OR2M3: variants seen among roughly 807,000 people sequenced by gnomAD.
OR2M3 encodes the protein olfactory receptor family 2 subfamily M member 3, also known as olfactory receptor 2M3.
Under a neutral mutation model 4.3 loss-of-function variants are expected in OR2M3, and 1 was observed. The ratio of observed to expected loss-of-function variants is 0.23; its 90% CI spans 0.08 to 1.11. The LOEUF (loss-of-function observed/expected upper bound fraction) is 1.11, where lower values mean the gene tolerates loss of function less well. Among genes scored for constraint, OR2M3 ranks in the 50% most tolerant of loss-of-function variants. OR2M3 has a pLI of 0.54. For missense variants in OR2M3, 410 were observed against 390.4 expected (o/e 1.05, Z -0.42); for synonymous variants, 151 against 139.4 (o/e 1.08, Z -0.59).
At position 248,203,399 on chromosome 1, in the gene OR2M3, A is replaced by C; in HGVS notation, c.332A>C (p.Glu111Ala). Residue 111 changes from glutamate (E) to alanine (A), a missense_variant, in exon 2 of 2, where the codon GAG becomes GCG. By Grantham distance (107) the Glu-to-Ala change is moderately radical (BLOSUM62 -1). Coordinates refer to ENST00000641626, the MANE Select transcript of OR2M3 (RefSeq NM_001004689.2). ...IFFYTSLLGS[E>A]CFLLAVMAYD... ...TTCTATACATCACTGCTTGGCTCTG[A>C]GTGCTTTCTTTTGGCTGTTATGGCT... 6.2e-7 allele frequency: 1 copy of C among 1,613,938 alleles called. No individual in the cohort carries two copies. The highest frequency in any genetic ancestry group is 2.2e-5 in the East Asian group (1 of 44,848).
rs1666196892 is a variant in OR2M3 at position 248,203,988 on chromosome 1, G to C, written c.921G>C (p.Lys307Asn). The C allele has an allele frequency of 6.2e-7, 1 of 1,613,694 alleles. No individual in the cohort carries two copies. The highest frequency in any genetic ancestry group is 1.7e-5 in the Admixed American group (1 of 59,944). ...GAGCATTCATGAAGATCTTAGGAAA[G>C]GGCAAGTCTGGAGAGTGAGTTACCT... is the stretch of plus-strand genomic sequence containing the variant. ...VTRAFMKILG[K>N]GKSGE Residue 307 changes from lysine to asparagine, a missense_variant, in exon 2 of 2, where the codon AAG (lysine) becomes AAC (asparagine). Lys to Asn is a moderately conservative substitution (Grantham distance 94). Coordinates refer to ENST00000641626, the MANE Select transcript of OR2M3 (RefSeq NM_001004689.2).
rs1451024370 is a variant in OR2M3, at chr1:248,208,955, C to T, written c.*4949C>T. The stretch of plus-strand genomic sequence containing the variant: ...TTAGATTTCTCTTCTTCCTCAAGAA[C>T]ACCAATTATTCTTAGGTCCGGACAT... On this transcript the variant is annotated 3_prime_UTR_variant, in exon 2 of 2. Coordinates refer to ENST00000641626, the MANE Select transcript of OR2M3 (RefSeq NM_001004689.2). 1 of 152,170 alleles carries T rather than the reference C, an allele frequency of 6.6e-6. No homozygotes were observed. The highest frequency in any genetic ancestry group is 2.4e-5 in the African/African-American group (1 of 41,446). The allele number at this position is 152,170 out of a possible 1,614,324, so 9.4% of individuals were successfully genotyped here.
rs1385631635 is a variant in OR2M3 at position 248,205,504 on chromosome 1, A to G, written c.*1498A>G. 1 of 151,988 alleles carries G rather than the reference A, an allele frequency of 6.6e-6. No homozygotes were observed. Among genetic ancestry groups the G allele is most frequent in the African/African-American group, 2.4e-5 (1 of 41,386 alleles). The allele number at this position is 151,988 out of a possible 1,614,324, so 9.4% of individuals were successfully genotyped here. A position where few individuals can be genotyped will look rare whatever the true frequency, so the allele number is the denominator to read the frequency against. On this transcript the variant is annotated 3_prime_UTR_variant, in exon 2 of 2. Coordinates refer to ENST00000641626, the MANE Select transcript of OR2M3 (RefSeq NM_001004689.2). ...GATGAGGATCCAGTTTCATTCTTCT[A>G]CATGTGGCCTGTCAGTTAGCCCAGC...
Position 248,204,040 on chromosome 1 carries a change from T to A in OR2M3, c.*34T>A, listed in dbSNP as rs1213576532. On this transcript the variant is annotated 3_prime_UTR_variant, in exon 2 of 2. Coordinates refer to ENST00000641626, the MANE Select transcript of OR2M3 (RefSeq NM_001004689.2). ...ATAAACTTCATGTTTTGCTGTGTGCTAAATCCTTTTTTTAAATGGTCCTAT... is the reference window on the plus strand; with the variant it reads ...ATAAACTTCATGTTTTGCTGTGTGCAAAATCCTTTTTTTAAATGGTCCTAT... The A allele has an allele frequency of 2.5e-6, 4 of 1,606,016 alleles. No homozygotes were observed. Among genetic ancestry groups the A allele is most frequent in the African/African-American group, 2.7e-5 (2 of 74,598 alleles).
intron 1 of OR2M3, among the ~76,000 whole-genome samples, chr1:248,198,842 A>G (rs1206990790): frequency 6.6e-6 from 1 of 152,108 alleles, no homozygotes; most frequent in Non-Finnish European, 1.5e-5. Context: ...CTGTGTTACT[A>G]TTGCTCTGGG....
chr1:248,207,372 C>A lies in OR2M3; in HGVS notation c.*3366C>A, dbSNP rs1044321495. On this transcript the variant is annotated 3_prime_UTR_variant, in exon 2 of 2. Coordinates refer to ENST00000641626, the MANE Select transcript of OR2M3 (RefSeq NM_001004689.2). ...GTTTGGGTTTGGATTGTTCTTGTTT[C>A]TCCTGTTCTGTGAGGTGCGACCTAA... 9 of 151,640 alleles carry A rather than the reference C, an allele frequency of 5.9e-5. No individual in the cohort carries two copies. The highest frequency in any genetic ancestry group is 2.2e-4 in the African/African-American group (9 of 41,286). The allele number at this position is 151,640 out of a possible 1,614,324, so 9.4% of individuals were successfully genotyped here.
Position 248,210,972 on chromosome 1 carries a change from C to T in OR2M3, c.*6966C>T, listed in dbSNP as rs1299177884. 2 of 152,220 alleles carry T rather than the reference C, an allele frequency of 1.3e-5. No individual in the cohort carries two copies. The highest frequency in any genetic ancestry group is 4.8e-5 in the African/African-American group (2 of 41,438). 9.4% of individuals were successfully genotyped at this position (152,220 alleles called of 1,614,324 possible). ...TGGGAGCTGCAAGCTAGTCCTGCCT[C>T]CTATCCACCATCTTAATCCTAGTCA... On this transcript the variant is annotated 3_prime_UTR_variant, in exon 2 of 2. Coordinates refer to ENST00000641626, the MANE Select transcript of OR2M3 (RefSeq NM_001004689.2).
At chr1:248,201,037 C>G (rs1666151307) in intron 1 of OR2M3, among the ~76,000 whole-genome samples, 1 of 152,098 alleles carries the variant, frequency 6.6e-6, no homozygotes, top group South Asian at 2.1e-4. Flanking sequence ...ACTCACCAGG[C>G]TTCTTTTTCT....
chr1:248,197,899 C>T (rs10888323), intron 1 of OR2M3, among the ~76,000 whole-genome samples: 115,855 of 151,934 alleles, frequency 0.76, 44,319 homozygotes, highest in South Asian at 0.91. Context: ...AAATTTTTTC[C>T]TTACACTTGG....
rs116295891 is a variant in OR2M3, at chr1:248,207,848, G to A, written c.*3842G>A. The A allele has an allele frequency of 6.6e-6, 1 of 151,870 alleles. No homozygotes were observed. Among genetic ancestry groups the A allele is most frequent in the Non-Finnish European group, 1.5e-5 (1 of 67,892 alleles). The allele number at this position is 151,870 out of a possible 1,614,324, so 9.4% of individuals were successfully genotyped here. ...ATTTCTTGTAGCATATAGTTTAAGT[G>A]CATTGTTTCTTTTTTTACTTTCTGT... is the stretch of plus-strand genomic sequence containing the variant. On this transcript the variant is annotated 3_prime_UTR_variant, in exon 2 of 2. Coordinates refer to ENST00000641626, the MANE Select transcript of OR2M3 (RefSeq NM_001004689.2).
intron 1 of OR2M3, among the ~76,000 whole-genome samples, chr1:248,198,234 G>T (rs899971615): frequency 1.3e-5 from 2 of 152,054 alleles, no homozygotes. Flanking sequence ...CCATTTTGTA[G>T]GTAGTCATTA....
intron 1 of OR2M3, among the ~76,000 whole-genome samples, chr1:248,199,072 T>C (rs1330413593): frequency 6.6e-6 from 1 of 152,126 alleles, no homozygotes; most frequent in Non-Finnish European, 1.5e-5. Flanking sequence ...TACATAAAAA[T>C]AATTTTTAAT....
rs1234051853 is a variant in OR2M3, at chr1:248,210,961, T to C, written c.*6955T>C. 6.6e-6 allele frequency: 1 copy of C among 152,250 alleles called. No homozygotes were observed. The highest frequency in any genetic ancestry group is 1.5e-5 in the Non-Finnish European group (1 of 68,066). The allele number at this position is 152,250 out of a possible 1,614,324, so 9.4% of individuals were successfully genotyped here. A position where few individuals can be genotyped will look rare whatever the true frequency, so the allele number is the denominator to read the frequency against. The stretch of plus-strand genomic sequence containing the variant: ...GTCCATCTGAGTGGGAGCTGCAAGC[T>C]AGTCCTGCCTCCTATCCACCATCTT... On this transcript the variant is annotated 3_prime_UTR_variant, in exon 2 of 2. Coordinates refer to ENST00000641626, the MANE Select transcript of OR2M3 (RefSeq NM_001004689.2).
At position 248,205,225 on chromosome 1, in the gene OR2M3, C is replaced by A. The variant is rs1666212178; in HGVS notation, c.*1219C>A. The A allele has an allele frequency of 6.6e-6, 1 of 152,050 alleles. No homozygotes were observed. Among genetic ancestry groups the A allele is most frequent in the South Asian group, 2.1e-4 (1 of 4,834 alleles). 9.4% of individuals were successfully genotyped at this position (152,050 alleles called of 1,614,324 possible). A position where few individuals can be genotyped will look rare whatever the true frequency, so the allele number is the denominator to read the frequency against. ...CAGATGTATAAATTGTGAAGATTTT[C>A]TCCCACTCTATGGGTTGTCTATTTA... On this transcript the variant is annotated 3_prime_UTR_variant, in exon 2 of 2. Transcript: ENST00000641626.
In OR2M3 at chr1:248,208,585, G is replaced by A. The variant is rs914229929; in HGVS notation, c.*4579G>A. The A allele has an allele frequency of 6.6e-6, 1 of 152,124 alleles. No individual in the cohort carries two copies. The highest frequency in any genetic ancestry group is 2.4e-5 in the African/African-American group (1 of 41,418). 9.4% of individuals were successfully genotyped at this position (152,124 alleles called of 1,614,324 possible). On this transcript the variant is annotated 3_prime_UTR_variant, in exon 2 of 2. Transcript: ENST00000641626. The stretch of plus-strand genomic sequence containing the variant: ...GCCTTTCCTTCATTTCTGAAGCATA[G>A]CTTCGCTGGATACAAAATTCTTAGC...
At chr1:248,198,455 T>C (rs1040390804) in intron 1 of OR2M3, among the ~76,000 whole-genome samples, 2 of 152,202 alleles carry the variant, frequency 1.3e-5, no homozygotes, top group African/African-American at 4.8e-5. Flanking sequence ...AAAGTTGCTA[T>C]GCTCATTTTT....
At chr1:248,198,195 ACT>A (rs1230746900) in intron 1 of OR2M3, among the ~76,000 whole-genome samples, 1 of 152,026 alleles carries the variant, frequency 6.6e-6, no homozygotes, top group Non-Finnish European at 1.5e-5. Flanking sequence ...AAACAGTTTA[ACT>A]CTCTCTGATT....
At position 248,210,402 on chromosome 1, in the gene OR2M3, A is replaced by C. The variant is rs768469332; in HGVS notation, c.*6396A>C. On this transcript the variant is annotated 3_prime_UTR_variant, in exon 2 of 2. Transcript: ENST00000641626. ...TGTTACTGCAGTAGTTCTTGGCACA[A>C]AATTTCACAATGTGAGTTTCCATAC... 3.7e-5 allele frequency: 6 copies of C among 161,826 alleles called. No homozygotes were observed. The highest frequency in any genetic ancestry group is 1.5e-4 in the African/African-American group (6 of 41,008). The allele number at this position is 161,826 out of a possible 1,614,324, so 10.0% of individuals were successfully genotyped here. A position where few individuals can be genotyped will look rare whatever the true frequency, so the allele number is the denominator to read the frequency against.
chr1:248,197,344 T>C (rs1287270613), intron 1 of OR2M3, 43 bp downstream of exon 1: 17 of 152,126 alleles, frequency 1.1e-4, no homozygotes, highest in Admixed American at 1.1e-3. Context: ...AGCATGACTT[T>C]GTATAAGCTA....
Sources: allele counts gnomAD v4.1 joint callset (sites outside exome capture counted in the v4.1 genomes callset), GRCh38; gene constraint gnomAD v4.1.1; transcripts MANE v1.5; gene names NCBI Gene and HGNC (gene_info 2026-07-23, HGNC 2026-07-21).